The following RESF1 variants were observed in gnomAD, a reference collection of about 807,000 sequenced individuals.
The protein encoded by RESF1 is gonad expressed transcript.
RESF1 carries 65 observed loss-of-function variants against 134.7 expected under a neutral mutation model. The observed-to-expected ratio is 0.48, with a 90% CI of 0.40 to 0.59. The LOEUF (loss-of-function observed/expected upper bound fraction) is 0.59, where lower values mean the gene tolerates loss of function less well. Among genes scored for constraint, RESF1 ranks in the 20% least tolerant of loss-of-function variants. The pLI is 0.00. For synonymous variants in RESF1, 762 were observed against 702.2 expected (o/e 1.09, Z -1.35); for missense variants, 2,274 against 2,002.7 (o/e 1.14, Z -2.59).
rs1057994 is a variant in RESF1, at chr12:31,984,631, G to A, written c.3676G>A (p.Val1226Ile). 0.19 allele frequency: 293,706 copies of A among 1,574,324 alleles called. 28,748 individuals are homozygous for A. The highest frequency in any genetic ancestry group is 0.25 in the Middle Eastern group (1,470 of 5,816). ...AGGAGAGAGAACTTCTGATAGAGAT[G>A]TCACTGTTGTTCAATTTAAGAGCCT... ...KQGERTSDRD[V>I]TVVQFKSLVN... The change falls in exon 4 of 6, where the codon GTC (valine) becomes ATC (isoleucine). Residue 1226 changes from valine to isoleucine, a missense_variant. By Grantham distance (29) the Val-to-Ile change is conservative. Transcript: ENST00000312561.
intron 3 of RESF1, among the ~76,000 whole-genome samples, chr12:31,978,582 T>G (rs1939691982): frequency 6.6e-6 from 1 of 152,052 alleles, no homozygotes; most frequent in Admixed American, 6.6e-5. Context: ...GCTCTCGCTC[T>G]GTCGCCAGGC....
In RESF1 at chr12:31,985,181, A is replaced by G. The variant is rs762948629; in HGVS notation, c.4226A>G (p.Asp1409Gly). ...GSVGATFKLGDSLSNPNERAI... is the reference protein window; with the variant it reads ...GSVGATFKLGGSLSNPNERAI... ...GTGGGAGCTACATTCAAATTAGGTG[A>G]CTCTTTGTCAAACCCAAACGAAAGA... Residue 1409 changes from aspartate to glycine, a missense_variant, in exon 4 of 6, where the codon GAC (aspartate) becomes GGC (glycine). Physicochemically the swap from Asp to Gly is moderately conservative, Grantham distance 94. Transcript: ENST00000312561. 1.9e-6 allele frequency: 3 copies of G among 1,563,888 alleles called. No individual in the cohort carries two copies. Among genetic ancestry groups the G allele is most frequent in the East Asian group, 4.5e-5 (2 of 44,498 alleles).
chr12:31,983,914 G>C lies in RESF1; in HGVS notation c.2959G>C (p.Glu987Gln). The C allele has an allele frequency of 6.8e-6, 11 of 1,613,774 alleles. No individual in the cohort carries two copies. The highest frequency in any genetic ancestry group is 8.5e-6 in the Non-Finnish European group (10 of 1,179,972). Residue 987 changes from glutamate to glutamine, a missense_variant, in exon 4 of 6, where the codon GAA (glutamate) becomes CAA (glutamine). Glu to Gln is a conservative substitution (Grantham distance 29). Transcript: ENST00000312561. The part of the protein sequence containing the change: ...PPLESSFNNL[E>Q]TNRVILEKSS... ...CTTAGAGTCATCTTTTAACAATCTT[G>C]AAACAAACAGAGTTATTCTAGAGAA...
At chr12:31,970,516 C>CT (rs773189051) in intron 3 of RESF1, among the ~76,000 whole-genome samples, 160 bp downstream of exon 3, 1 of 152,142 alleles carries the variant, frequency 6.6e-6, no homozygotes, top group Non-Finnish European at 1.5e-5. Flanking sequence ...GTTTTTGCTT[C>CT]TTGTATTTTG....
In RESF1 at chr12:31,981,738, C is replaced by T; in HGVS notation, c.783C>T (p.Thr261=). The T allele has an allele frequency of 6.2e-7, 1 of 1,613,692 alleles. No homozygotes were observed. Among genetic ancestry groups the T allele is most frequent in the Non-Finnish European group, 8.5e-7 (1 of 1,179,992 alleles). ...NSVLTLPSRQ[T]SAVPSQQYAT... The stretch of plus-strand genomic sequence containing the variant: ...TATTAACTTTACCATCAAGGCAGAC[C>T]TCAGCTGTACCATCACAGCAGTATG... Residue 261 remains threonine, a synonymous_variant, in exon 4 of 6, where the codon ACC becomes ACT. Transcript: ENST00000312561.
Position 31,983,369 on chromosome 12 carries a change from C to G in RESF1, c.2414C>G (p.Ala805Gly). The change falls in exon 4 of 6, where the codon GCA becomes GGA. Residue 805 changes from alanine to glycine, a missense_variant. Physicochemically the swap from Ala to Gly is moderately conservative, Grantham distance 60. Coordinates refer to ENST00000312561, the MANE Select transcript of RESF1 (RefSeq NM_018169.4). ...GSVCSLQNQL[A>G]ENAKATAALK... Reference sequence around the variant, plus strand: ...GTTTGTAGTTTACAAAATCAATTGGCAGAAAATGCAAAGGCAACTGCTGCT... The same window carrying G: ...GTTTGTAGTTTACAAAATCAATTGGGAGAAAATGCAAAGGCAACTGCTGCT... 6.2e-7 allele frequency: 1 copy of G among 1,613,976 alleles called. No individual in the cohort carries two copies. The highest frequency in any genetic ancestry group is 8.5e-7 in the Non-Finnish European group (1 of 1,180,014).
chr12:31,991,197 CA>C lies in RESF1; in HGVS notation c.5087-1168del, dbSNP rs34643110. Among the ~76,000 whole-genome samples, 405 of 139,336 alleles carry C rather than the reference CA, an allele frequency of 2.9e-3. 3 individuals carry two copies. The highest frequency in any genetic ancestry group is 9.2e-3 in the African/African-American group (346 of 37,686). The allele number at this position is 139,336 out of a possible 152,430, so 91.4% of individuals were successfully genotyped here. Reference sequence around the variant, plus strand: ...GGGCAACAGAGCCAAGACCCTGTCTCAAAAAAAAAAAAACCCACAGGAGAAA... The same window carrying C: ...GGGCAACAGAGCCAAGACCCTGTCTCAAAAAAAAAAAACCCACAGGAGAAA... On this transcript the variant is annotated intron_variant, in intron 5 of 5. Coordinates refer to ENST00000312561, the MANE Select transcript of RESF1 (RefSeq NM_018169.4).
In RESF1 at chr12:31,992,453, AT is replaced by A; in HGVS notation, c.5164del (p.Ser1722GlnfsTer25). On this transcript the variant is annotated frameshift_variant, in exon 6 of 6. Coordinates refer to ENST00000312561, the MANE Select transcript of RESF1 (RefSeq NM_018169.4). LOFTEE classifies it high-confidence loss of function. The stretch of plus-strand genomic sequence containing the variant: ...GAGATGCTACAAAACCCAGTAAAAG[AT>A]TCAAAAGAAATGTTTCAAACCTACA... ...GFEMLQNPVK[D>X]SKEMFQTYKQ... 6.2e-7 allele frequency: 1 copy of A among 1,613,974 alleles called. No individual in the cohort carries two copies. The highest frequency in any genetic ancestry group is 8.5e-7 in the Non-Finnish European group (1 of 1,179,894).
rs768637121 is a variant in RESF1, at chr12:31,982,404, TATG to T, written c.1450_1452del (p.Met484del). The T allele has an allele frequency of 6.2e-7, 1 of 1,614,084 alleles. No homozygotes were observed. The highest frequency in any genetic ancestry group is 8.5e-7 in the Non-Finnish European group (1 of 1,180,016). On this transcript the variant is annotated inframe_deletion, in exon 4 of 6. Transcript: ENST00000312561. ...CTGCAGAAACAAATAAGACTCAATG[TATG>T]TTGAATTCTGACATTCAGGAAGTCA...
intron 2 of RESF1, among the ~76,000 whole-genome samples, chr12:31,969,786 C>T (rs1939469348): frequency 6.6e-6 from 1 of 152,132 alleles, no homozygotes; most frequent in African/African-American, 2.4e-5. Context: ...GTGTGTGCTA[C>T]CACAATGCTG....
intron 5 of RESF1, among the ~76,000 whole-genome samples, chr12:31,991,573 A>G (rs1323881873): frequency 1.3e-5 from 2 of 152,216 alleles, no homozygotes; most frequent in African/African-American, 4.8e-5. Context: ...AGTGATACAC[A>G]TTCAGTAGAA....
rs1415371452 is a variant in RESF1 at position 31,982,316 on chromosome 12, G to A, written c.1361G>A (p.Gly454Glu). 2 of 1,613,970 alleles carry A rather than the reference G, an allele frequency of 1.2e-6. No individual in the cohort carries two copies. The highest frequency in any genetic ancestry group is 1.7e-6 in the Non-Finnish European group (2 of 1,180,036). ...AAACAAACTGCCAAAATCCAGTCTG[G>A]ACCCCAGATAACTCCAGTAATGCCA... is the stretch of plus-strand genomic sequence containing the variant. ...SLKQTAKIQSGPQITPVMPEN... is the reference protein window; with the variant it reads ...SLKQTAKIQSEPQITPVMPEN... The change falls in exon 4 of 6, where the codon GGA becomes GAA. Residue 454 changes from glycine to glutamate, a missense_variant. Physicochemically the swap from Gly to Glu is moderately conservative, Grantham distance 98. Transcript: ENST00000312561.
chr12:31,992,704 G>T lies in RESF1; in HGVS notation c.*169G>T, dbSNP rs2120915042. ...TTAATTAAAATGGCTTGAGAACTTT[G>T]GGTAGCCATGTGTAAGAAATGGATG... is the stretch of plus-strand genomic sequence containing the variant. On this transcript the variant is annotated 3_prime_UTR_variant, in exon 6 of 6. Transcript: ENST00000312561. 1.5e-6 allele frequency: 1 copy of T among 668,886 alleles called. No homozygotes were observed. The highest frequency in any genetic ancestry group is 2.8e-5 in the East Asian group (1 of 35,810). 41.4% of individuals were successfully genotyped at this position (668,886 alleles called of 1,614,324 possible).
Position 31,984,400 on chromosome 12 carries a change from C to T in RESF1, c.3445C>T (p.Leu1149=), listed in dbSNP as rs771059249. The T allele has an allele frequency of 1.2e-6, 2 of 1,614,162 alleles. No individual in the cohort carries two copies. Among genetic ancestry groups the T allele is most frequent in the Admixed American group, 1.7e-5 (1 of 60,028 alleles). Reference sequence around the variant, plus strand: ...CACAGAAGTAGTTAGCCAGTGTGACCTGCAGGCACCTGCAGCTGGACAAAG... The same window carrying T: ...CACAGAAGTAGTTAGCCAGTGTGACTTGCAGGCACCTGCAGCTGGACAAAG... ...PITEVVSQCD[L]QAPAAGQSRD... Residue 1149 remains leucine, a synonymous_variant, in exon 4 of 6, where the codon CTG becomes TTG. Transcript: ENST00000312561.
Position 31,985,691 on chromosome 12 carries a change from A to G in RESF1, c.4736A>G (p.Lys1579Arg). Residue 1579 changes from lysine (K) to arginine (R), a missense_variant, in exon 4 of 6, where the codon AAA (lysine) becomes AGA (arginine). Physicochemically the swap from Lys to Arg is conservative, Grantham distance 26. Transcript: ENST00000312561. ...CCTCCCCAAGTAAAGGATCAAAAGA[A>G]ATTATATCTGAATAGAGTTGGGTTT... ...QMPPQVKDQK[K>R]LYLNRVGFKC... is the part of the protein sequence containing the mutation. 6.2e-7 allele frequency: 1 copy of G among 1,611,448 alleles called. No homozygotes were observed. The highest frequency in any genetic ancestry group is 1.1e-5 in the South Asian group (1 of 90,264).
rs144576708 is a variant in RESF1, at chr12:31,985,010, C to A, written c.4055C>A (p.Ser1352Tyr). Residue 1352 changes from serine to tyrosine, a missense_variant, in exon 4 of 6, where the codon TCT becomes TAT. Transcript: ENST00000312561. ...AAAGATGTGTATAAGAAGCATAGTT[C>A]TTTGGGACAGTCATTATCACCAGAA... ...PNKDVYKKHS[S>Y]LGQSLSPEKI... The A allele has an allele frequency of 5.7e-4, 920 of 1,601,670 alleles. 2 individuals are homozygous for A. Among genetic ancestry groups the A allele is most frequent in the Non-Finnish European group, 6.3e-4 (743 of 1,177,180 alleles).
chr12:31,987,621 G>T (rs1940004639), intron 5 of RESF1, among the ~76,000 whole-genome samples: 1 of 151,990 alleles, frequency 6.6e-6, no homozygotes. Flanking sequence ...AGGTTTTCTG[G>T]GTCATAAGGT....
rs926232149 is a variant in RESF1 at position 31,984,218 on chromosome 12, A to G, written c.3263A>G (p.Gln1088Arg). The change falls in exon 4 of 6, where the codon CAA (glutamine) becomes CGA (arginine). Residue 1088 changes from glutamine to arginine, a missense_variant. Gln to Arg is a conservative substitution (Grantham distance 43, BLOSUM62 1). Coordinates refer to ENST00000312561, the MANE Select transcript of RESF1 (RefSeq NM_018169.4). Reference protein sequence around the residue: ...QQTTYQTSEDQTADKTSSDSK... With the variant: ...QQTTYQTSEDRTADKTSSDSK... Reference sequence around the variant, plus strand: ...ACTACATACCAGACCTCAGAAGATCAAACTGCTGATAAAACCAGTTCTGAC... The same window carrying G: ...ACTACATACCAGACCTCAGAAGATCGAACTGCTGATAAAACCAGTTCTGAC... 1 of 1,614,102 alleles carries G rather than the reference A, an allele frequency of 6.2e-7. No individual in the cohort carries two copies. Among genetic ancestry groups the G allele is most frequent in the South Asian group, 1.1e-5 (1 of 91,064 alleles).
chr12:31,972,605 C>CAAAAA (rs71064904), intron 3 of RESF1, among the ~76,000 whole-genome samples: 2 of 109,192 alleles, frequency 1.8e-5, no homozygotes, highest in Admixed American at 9.6e-5. Flanking sequence ...GACTCCGTCT[C>CAAAAA]AAAAAAAAAA....
Sources: allele counts gnomAD v4.1 joint callset (sites outside exome capture counted in the v4.1 genomes callset), GRCh38; gene constraint gnomAD v4.1.1; transcripts MANE v1.5; gene names NCBI Gene and HGNC (gene_info 2026-07-23, HGNC 2026-07-21).